Variants in PTPRU observed in about 807,000 individuals in gnomAD.
PTPRU encodes the protein protein tyrosine phosphatase receptor type U.
PTPRU carries 69 observed loss-of-function variants against 166.3 expected under a neutral mutation model. The observed-to-expected ratio is 0.41, with a 90% CI of 0.34 to 0.51. PTPRU has a LOEUF of 0.51. Ranked by LOEUF, PTPRU falls within the 20% of genes least tolerant of loss-of-function variation. The probability of loss-of-function intolerance (pLI) is 0.09; values close to 1 mark genes in which losing one functional copy is unlikely to be tolerated. For synonymous variants in PTPRU, 793 were observed against 814.0 expected (o/e 0.97, Z 0.44); for missense variants, 1,657 against 2,013.7 (o/e 0.82, Z 3.39).
chr1:29,310,344 C>T (rs564778640), intron 18 of PTPRU, among the ~76,000 whole-genome samples: 6 of 152,144 alleles, frequency 3.9e-5, no homozygotes, highest in Admixed American at 1.3e-4. Flanking sequence ...GGTTATCCCA[C>T]GTGTGGGATC....
chr1:29,268,568 T>C (rs1685404779), intron 7 of PTPRU, among the ~76,000 whole-genome samples: 1 of 152,214 alleles, frequency 6.6e-6, no homozygotes, highest in Non-Finnish European at 1.5e-5. Context: ...TAAATGTAGA[T>C]GGAAGAAAGA....
intron 8 of PTPRU, among the ~76,000 whole-genome samples, chr1:29,278,181 T>A: frequency 6.6e-6 from 1 of 152,140 alleles, no homozygotes; most frequent in East Asian, 1.9e-4. Flanking sequence ...TTTCCCTGGG[T>A]TCCTACAGAT....
intron 7 of PTPRU, among the ~76,000 whole-genome samples, chr1:29,269,425 A>AGCT (rs1685464011): frequency 6.6e-6 from 1 of 151,224 alleles, no homozygotes; most frequent in Non-Finnish European, 1.5e-5. Context: ...CAGCAGCAGC[A>AGCT]GCTGCTGCTG....
intron 7 of PTPRU, among the ~76,000 whole-genome samples, chr1:29,270,764 AC>A (rs1328170580): frequency 1.3e-5 from 2 of 152,190 alleles, no homozygotes; most frequent in Admixed American, 1.3e-4. Context: ...GGAGATTGAG[AC>A]CAGACTGGGG....
At chr1:29,310,932 T>C in intron 19 of PTPRU, 152 bp downstream of exon 19, 1 of 985,430 alleles carries the variant, frequency 1.0e-6, no homozygotes, top group Non-Finnish European at 1.6e-6. Context: ...CTTGTTCATC[T>C]GCTCCCGATT....
chr1:29,323,620 CCT>C lies in PTPRU; in HGVS notation c.3955-10_3955-9del. The C allele has an allele frequency of 6.2e-7, 1 of 1,613,812 alleles. No individual in the cohort carries two copies. Among genetic ancestry groups the C allele is most frequent in the Non-Finnish European group, 8.5e-7 (1 of 1,179,850 alleles). ...CTCATGTCCTCCCTGGCTGGCTGCC[CCT>C]GTCCCCAGTTGCAGGAGGGGCACCT... On this transcript the variant is annotated splice_polypyrimidine_tract_variant and intron_variant, in intron 27 of 29. Coordinates refer to ENST00000373779, the MANE Select transcript of PTPRU (RefSeq NM_133178.4).
chr1:29,265,511 C>T (rs1451651585), intron 7 of PTPRU, among the ~76,000 whole-genome samples: 1 of 151,830 alleles, frequency 6.6e-6, no homozygotes, highest in Non-Finnish European at 1.5e-5. Context: ...TACAGGCACA[C>T]ACCACCACGC....
chr1:29,260,115 T>C lies in PTPRU; in HGVS notation c.850+71T>C. 9.0e-7 allele frequency: 1 copy of C among 1,112,510 alleles called. No homozygotes were observed. 68.9% of individuals were successfully genotyped at this position (1,112,510 alleles called of 1,614,324 possible). A position where few individuals can be genotyped will look rare whatever the true frequency, so the allele number is the denominator to read the frequency against. ...GGCGGGGCCGGCGACGGGGGCGGGC[T>C]CTGCCCGGGGGCGTGGCCGTGGGGG... On this transcript the variant is annotated intron_variant, in intron 6 of 29. Coordinates refer to ENST00000373779, the MANE Select transcript of PTPRU (RefSeq NM_133178.4). This position sits in a 1 kb window ranked among gnomAD's most constrained non-coding sequence, Gnocchi z 8.3.
chr1:29,315,491 A>G lies in PTPRU; in HGVS notation c.3347A>G (p.Asn1116Ser). The G allele has an allele frequency of 1.2e-6, 2 of 1,614,142 alleles. No individual in the cohort carries two copies. Among genetic ancestry groups the G allele is most frequent in the Non-Finnish European group, 1.7e-6 (2 of 1,180,030 alleles). Reference sequence around the variant, plus strand: ...AAGACTCTCTGCTCCCGGCGTGTCAACATGATCCAGACTGAGGTGCGGGGA... The same window carrying G: ...AAGACTCTCTGCTCCCGGCGTGTCAGCATGATCCAGACTGAGGTGCGGGGA... ...CVKTLCSRRV[N>S]MIQTEEQYIF... Residue 1116 changes from asparagine (N) to serine (S), a missense_variant, in exon 23 of 30, where the codon AAC (asparagine) becomes AGC (serine). By Grantham distance (46) the Asn-to-Ser change is conservative. Coordinates refer to ENST00000373779, the MANE Select transcript of PTPRU (RefSeq NM_133178.4). This position sits in a 1 kb window ranked among gnomAD's most constrained non-coding sequence, Gnocchi z 4.5.
chr1:29,306,993 C>A, intron 18 of PTPRU: 2 of 1,001,972 alleles, frequency 2.0e-6, no homozygotes, highest in Non-Finnish European at 3.1e-6. Flanking sequence ...CCCAGCCCGG[C>A]CTGCCCGTCT....
intron 1 of PTPRU, among the ~76,000 whole-genome samples, chr1:29,247,272 G>T (rs1273721974): frequency 6.6e-6 from 1 of 152,268 alleles, no homozygotes; most frequent in East Asian, 1.9e-4. Context: ...GGTGTGCCTT[G>T]TGCAGCTCTG....
intron 7 of PTPRU, among the ~76,000 whole-genome samples, chr1:29,272,920 A>AG (rs1557434789): frequency 2.0e-5 from 3 of 146,866 alleles, no homozygotes; most frequent in African/African-American, 5.4e-5. Flanking sequence ...AAAAAAAAAA[A>AG]AAAAAAAGAA....
At chr1:29,324,239 ACTCCTTTG>A in intron 28 of PTPRU, among the ~76,000 whole-genome samples, 1 of 151,978 alleles carries the variant, frequency 6.6e-6, no homozygotes, top group East Asian at 1.9e-4. Flanking sequence ...GGGTGCAGTC[ACTCCTTTG>A]CTCCCCACTT....
chr1:29,281,466 G>A (rs900877655), intron 11 of PTPRU, among the ~76,000 whole-genome samples: 2 of 152,162 alleles, frequency 1.3e-5, no homozygotes, highest in Non-Finnish European at 2.9e-5. Flanking sequence ...AAGGCTAGGT[G>A]GGGGCAGGCT....
At chr1:29,254,520 C>T (rs1684688323) in intron 1 of PTPRU, among the ~76,000 whole-genome samples, 1 of 152,192 alleles carries the variant, frequency 6.6e-6, no homozygotes, top group Admixed American at 6.5e-5. Flanking sequence ...CACATTCCTG[C>T]AGGCAGAGAC....
chr1:29,265,570 C>G (rs1685264613), intron 7 of PTPRU, among the ~76,000 whole-genome samples: 1 of 151,962 alleles, frequency 6.6e-6, no homozygotes. Context: ...AGCATGTTGG[C>G]CAGGCTGGTC....
intron 1 of PTPRU, among the ~76,000 whole-genome samples, chr1:29,244,719 A>G (rs1410849597): frequency 6.6e-6 from 1 of 152,074 alleles, no homozygotes; most frequent in East Asian, 1.9e-4. Context: ...CTGGGCCCTT[A>G]GAGTTCTCAT....
In PTPRU at chr1:29,275,699, A is replaced by T. The variant is rs752889478; in HGVS notation, c.1396A>T (p.Thr466Ser). 1.9e-6 allele frequency: 3 copies of T among 1,614,222 alleles called. No homozygotes were observed. Among genetic ancestry groups the T allele is most frequent in the Non-Finnish European group, 2.5e-6 (3 of 1,180,044 alleles). ...YRNVHVRLVL[T>S]NPEGRKEGKE... The stretch of plus-strand genomic sequence containing the variant: ...GAACGTTCACGTGAGGCTTGTCCTC[A>T]CTAACCCTGAGGGGCGCAAAGAGGG... Residue 466 changes from threonine (T) to serine (S), a missense_variant, in exon 8 of 30, where the codon ACT (threonine) becomes TCT (serine). By Grantham distance (58) the Thr-to-Ser change is moderately conservative. Coordinates refer to ENST00000373779, the MANE Select transcript of PTPRU (RefSeq NM_133178.4).
chr1:29,321,665 A>C (rs148173853), intron 26 of PTPRU, among the ~76,000 whole-genome samples: 63 of 152,284 alleles, frequency 4.1e-4, no homozygotes, highest in African/African-American at 1.4e-3. Context: ...TTTGAGTTTT[A>C]CTTTCCTTCT....
Sources: gnomAD v4.1 joint callset for allele counts (sites outside exome capture counted in the v4.1 genomes callset) on GRCh38, gnomAD v4.1.1 for gene constraint, Gnocchi (gnomAD v3.1) non-coding constraint, MANE v1.5 for transcripts, NCBI Gene and HGNC (gene_info 2026-07-23, HGNC 2026-07-21) for gene names.